ST6GALNAC5: variants seen among roughly 807,000 people sequenced by gnomAD.
ST6GALNAC5 encodes the protein ST6 N-acetylgalactosaminide alpha-2,6-sialyltransferase 5, also known as alpha-N-acetylgalactosaminide alpha-2,6-sialyltransferase 5.
Under a neutral mutation model 33.6 loss-of-function variants are expected in ST6GALNAC5, and 27 were observed. The ratio of observed to expected loss-of-function variants is 0.80; its 90% confidence interval spans 0.59 to 1.11. The LOEUF (loss-of-function observed/expected upper bound fraction) is 1.11. Ranked by LOEUF, ST6GALNAC5 falls within the 50% of genes least tolerant of loss-of-function variation. The pLI is 0.00. For synonymous variants in ST6GALNAC5, 194 were observed against 171.2 expected (o/e 1.13, Z -1.04); for missense variants, 428 against 454.0 (o/e 0.94, Z 0.52).
In ST6GALNAC5 at chr1:76,998,603, C is replaced by T. The variant is rs1408464899; in HGVS notation, c.262-45601C>T. The stretch of plus-strand genomic sequence containing the variant: ...TTTGCAGGAAAAGAAAGCCTAGTTT[C>T]CTTTACATGCCACTCACATATTGGT... On this transcript the variant is annotated intron_variant, in intron 2 of 4. Transcript: ENST00000477717. 2.6e-5 allele frequency among the ~76,000 whole-genome samples: 4 copies of T among 152,100 alleles called. No homozygotes were observed. In the South Asian group the frequency reaches 6.2e-4, roughly 24 times the overall value.
chr1:76,957,350 A>T (rs139992372), intron 2 of ST6GALNAC5, among the ~76,000 whole-genome samples: 27 of 152,126 alleles, frequency 1.8e-4, no homozygotes, highest in African/African-American at 6.5e-4. Context: ...CTCCTTCCTC[A>T]TGGGTCTCTC....
chr1:76,981,798 C>T (rs1649263924), intron 2 of ST6GALNAC5, among the ~76,000 whole-genome samples: 1 of 152,162 alleles, frequency 6.6e-6, no homozygotes, highest in East Asian at 1.9e-4. Context: ...GAGGAAGGAT[C>T]AGGCAGCAAT....
At chr1:76,935,933 A>C (rs1174003286) in intron 2 of ST6GALNAC5, among the ~76,000 whole-genome samples, 1 of 152,022 alleles carries the variant, frequency 6.6e-6, no homozygotes, top group Non-Finnish European at 1.5e-5. Flanking sequence ...GATTATGGGT[A>C]TAATATAACA....
intron 2 of ST6GALNAC5, among the ~76,000 whole-genome samples, chr1:76,973,393 C>G (rs963399755): frequency 6.8e-6 from 1 of 146,514 alleles, no homozygotes; most frequent in African/African-American, 2.5e-5. Context: ...GCAGAATTTC[C>G]TCTTACTCAG....
intron 2 of ST6GALNAC5, among the ~76,000 whole-genome samples, chr1:77,034,057 A>T (rs1355650646): frequency 6.6e-6 from 1 of 152,158 alleles, no homozygotes; most frequent in Non-Finnish European, 1.5e-5. Flanking sequence ...GCAAAGTATT[A>T]GTTTCTTAGG....
chr1:76,977,758 C>T (rs1296411066), intron 2 of ST6GALNAC5, among the ~76,000 whole-genome samples: 2 of 152,152 alleles, frequency 1.3e-5, no homozygotes, highest in Admixed American at 6.5e-5. Context: ...TATATCTTTG[C>T]TATTGTGAAT....
At chr1:76,925,201 C>T (rs1235914309) in intron 2 of ST6GALNAC5, among the ~76,000 whole-genome samples, 1 of 151,982 alleles carries the variant, frequency 6.6e-6, no homozygotes, top group Non-Finnish European at 1.5e-5. Context: ...TGGTGTTAAG[C>T]CACTCATGAG....
At chr1:77,026,463 T>G (rs184779770) in intron 2 of ST6GALNAC5, among the ~76,000 whole-genome samples, 94 of 152,288 alleles carry the variant, frequency 6.2e-4, no homozygotes, top group African/African-American at 2.2e-3. Flanking sequence ...CTCAGGGGCG[T>G]AATTCCAGCT....
chr1:77,057,390 A>T (rs1238916219), intron 4 of ST6GALNAC5, among the ~76,000 whole-genome samples: 1 of 152,240 alleles, frequency 6.6e-6, no homozygotes, highest in East Asian at 1.9e-4. Context: ...ATTTAATATA[A>T]ATTTTACGTG....
At chr1:77,059,643 A>G (rs541027096) in intron 4 of ST6GALNAC5, among the ~76,000 whole-genome samples, 2 of 152,300 alleles carry the variant, frequency 1.3e-5, no homozygotes, top group African/African-American at 4.8e-5. Context: ...GTCATTAATA[A>G]ATAACTTGGG....
intron 2 of ST6GALNAC5, among the ~76,000 whole-genome samples, chr1:76,949,015 C>G (rs964903676): frequency 6.6e-6 from 1 of 152,134 alleles, no homozygotes; most frequent in Admixed American, 6.5e-5. Flanking sequence ...AGCTTGTGGT[C>G]TAGCTGGTGT....
intron 2 of ST6GALNAC5, among the ~76,000 whole-genome samples, chr1:76,899,226 A>G (rs1646789879): frequency 6.6e-6 from 1 of 152,124 alleles, no homozygotes; most frequent in South Asian, 2.1e-4. Flanking sequence ...TTAAGAACAC[A>G]GGCTAAGGGA....
Position 76,959,329 on chromosome 1 carries a change from A to T in ST6GALNAC5, c.262-84875A>T, listed in dbSNP as rs1480009697. 2.0e-5 allele frequency among the ~76,000 whole-genome samples: 3 copies of T among 152,322 alleles called. No homozygotes were observed. In the East Asian group the frequency reaches 5.8e-4, roughly 29 times the overall value. On this transcript the variant is annotated intron_variant, in intron 2 of 4. Transcript: ENST00000477717. ...ATATATTTCACATTTTAAAATTCTGACATGGTATAGTATAATTGTATCTAT... is the reference window on the plus strand; with the variant it reads ...ATATATTTCACATTTTAAAATTCTGTCATGGTATAGTATAATTGTATCTAT...
intron 2 of ST6GALNAC5, among the ~76,000 whole-genome samples, chr1:76,888,528 G>T (rs1653946683): frequency 6.6e-6 from 1 of 151,868 alleles, no homozygotes; most frequent in African/African-American, 2.4e-5. Context: ...TACATTTATT[G>T]TAATTTTCTA....
intron 2 of ST6GALNAC5, among the ~76,000 whole-genome samples, chr1:76,916,644 T>A (rs530616908): frequency 3.9e-5 from 6 of 152,218 alleles, no homozygotes; most frequent in African/African-American, 1.4e-4. Flanking sequence ...AATAAACTGT[T>A]CCATATTTCT....
intron 2 of ST6GALNAC5, among the ~76,000 whole-genome samples, chr1:76,979,605 C>T (rs571607049): frequency 1.2e-3 from 180 of 152,270 alleles, no homozygotes; most frequent in Non-Finnish European, 2.0e-3. Context: ...CTACCTCTCA[C>T]GATATGCAAA....
At chr1:77,020,612 G>T (rs1227404787) in intron 2 of ST6GALNAC5, among the ~76,000 whole-genome samples, 1 of 152,028 alleles carries the variant, frequency 6.6e-6, no homozygotes, top group Non-Finnish European at 1.5e-5. Flanking sequence ...TGTTGCCCAG[G>T]CTGGTCTTGA....
intron 2 of ST6GALNAC5, among the ~76,000 whole-genome samples, chr1:76,889,300 C>T (rs1653964529): frequency 6.6e-6 from 1 of 152,154 alleles, no homozygotes; most frequent in South Asian, 2.1e-4. Flanking sequence ...GGTTGTTTCA[C>T]ATTAGCATTA....
intron 2 of ST6GALNAC5, among the ~76,000 whole-genome samples, chr1:76,875,286 G>A (rs1192839026): frequency 2.0e-5 from 3 of 152,076 alleles, no homozygotes; most frequent in Admixed American, 2.0e-4. Flanking sequence ...ATTCCTGAGG[G>A]GTCTGGGTCA....
Sources: gnomAD v4.1 joint callset for allele counts (sites outside exome capture counted in the v4.1 genomes callset) on GRCh38, gnomAD v4.1.1 for gene constraint, MANE v1.5 for transcripts, NCBI Gene and HGNC (gene_info 2026-07-23, HGNC 2026-07-21) for gene names.